FBXW7: variants seen among roughly 807,000 people sequenced by gnomAD.
FBXW7 encodes the protein F-box and WD repeat domain containing 7, also known as F-box/WD repeat-containing protein 7.
In FBXW7, 11 loss-of-function variants were observed where a neutral mutation model predicts 86.3. The observed-to-expected ratio is 0.13, with a 90% CI of 0.08 to 0.21. The LOEUF (loss-of-function observed/expected upper bound fraction) is 0.21, where lower values mean the gene tolerates loss of function less well. Among genes scored for constraint, FBXW7 ranks in the 10% least tolerant of loss-of-function variants. The pLI is 1.00. For synonymous variants in FBXW7, 313 were observed against 297.9 expected, an observed-to-expected ratio of 1.05 and a Z score of -0.52; for missense variants, 488 against 847.4, an observed-to-expected ratio of 0.58 and a Z score of 5.27.
intron 2 of FBXW7, among the ~76,000 whole-genome samples, chr4:152,504,090 A>T (rs945008736): frequency 1.3e-5 from 2 of 152,220 alleles, no homozygotes; most frequent in Non-Finnish European, 2.9e-5. Flanking sequence ...AAAGACAAAA[A>T]TGGCAGTATT....
intron 4 of FBXW7, among the ~76,000 whole-genome samples, chr4:152,388,355 C>A (rs1003342887): frequency 2.0e-5 from 3 of 151,984 alleles, no homozygotes; most frequent in African/African-American, 7.2e-5. Context: ...AAAATGTGAC[C>A]TGATAATTGG....
intron 4 of FBXW7, among the ~76,000 whole-genome samples, chr4:152,393,273 T>C (rs1221646828): frequency 6.6e-6 from 1 of 152,142 alleles, no homozygotes; most frequent in Non-Finnish European, 1.5e-5. Flanking sequence ...GCTGTCATGA[T>C]GAAAAGAAAA....
At chr4:152,532,318 TATA>T (rs1750097569) in intron 2 of FBXW7, among the ~76,000 whole-genome samples, 1 of 152,184 alleles carries the variant, frequency 6.6e-6, no homozygotes. Context: ...ATAGCCACGA[TATA>T]ATAAAAATGT....
chr4:152,465,648 A>T (rs1367346388), intron 2 of FBXW7, among the ~76,000 whole-genome samples: 3 of 152,140 alleles, frequency 2.0e-5, no homozygotes, highest in African/African-American at 7.2e-5. Context: ...GTTAGAGACC[A>T]GCCTGTCCAA....
intron 4 of FBXW7, among the ~76,000 whole-genome samples, chr4:152,396,431 A>T (rs1462083742): frequency 6.6e-6 from 1 of 152,038 alleles, no homozygotes; most frequent in Non-Finnish European, 1.5e-5. Flanking sequence ...TATCTTAGAA[A>T]AATAATGGCA....
chr4:152,501,776 T>G (rs1746976590), intron 2 of FBXW7, among the ~76,000 whole-genome samples: 1 of 152,190 alleles, frequency 6.6e-6, no homozygotes, highest in Non-Finnish European at 1.5e-5. Context: ...CTCTCTTTTT[T>G]TGGTTTTTCA....
chr4:152,328,736 C>T (rs904869619), intron 10 of FBXW7: 3 of 162,812 alleles, frequency 1.8e-5, no homozygotes, highest in African/African-American at 7.2e-5. Context: ...TGGGTTTCTT[C>T]CATGGGAATA....
At chr4:152,409,397 A>G (rs1299294049) in intron 4 of FBXW7, among the ~76,000 whole-genome samples, 2 of 152,192 alleles carry the variant, frequency 1.3e-5, no homozygotes, top group Non-Finnish European at 2.9e-5. Flanking sequence ...AAAGTACTTC[A>G]ACTAGTGAGA....
chr4:152,323,200 A>G (rs34649288), intron 13 of FBXW7, 51 bp from the exon 14 acceptor site: 21,335 of 1,561,196 alleles, frequency 0.014, 200 homozygotes, highest in Admixed American at 0.027. Flanking sequence ...AATGGCTATG[A>G]GTTAGTTACA....
chr4:152,504,932 CAT>C (rs1357659059), intron 2 of FBXW7, among the ~76,000 whole-genome samples: 7 of 152,104 alleles, frequency 4.6e-5, no homozygotes, highest in East Asian at 3.8e-4. Flanking sequence ...TTTAAAATAA[CAT>C]GTGTGGCTCA....
chr4:152,429,993 G>T (rs1441239584), intron 2 of FBXW7, among the ~76,000 whole-genome samples: 2 of 152,132 alleles, frequency 1.3e-5, no homozygotes, highest in Non-Finnish European at 2.9e-5. Context: ...TGTTGTTATT[G>T]AATGAGTACT....
At chr4:152,381,864 A>G (rs1341765954) in intron 4 of FBXW7, among the ~76,000 whole-genome samples, 1 of 152,134 alleles carries the variant, frequency 6.6e-6, no homozygotes, top group Admixed American at 6.6e-5. Flanking sequence ...TTTGCCTTTC[A>G]TGCAAAAACT....
rs574824547 is a variant in FBXW7, at chr4:152,340,667, C to G, written c.727-2731G>C. On this transcript the variant is annotated intron_variant, in intron 6 of 13. Transcript: ENST00000281708. ...GTTTCCACTGACTACACATATTCAA[C>G]TGTCCTATCGTTTAAAATCACATCT... Among the ~76,000 whole-genome samples the G allele has an allele frequency of 5.3e-5, 8 of 150,062 alleles. No homozygotes were observed. The South Asian group carries it at 1.7e-3, about 32-fold the overall frequency.
intron 4 of FBXW7, among the ~76,000 whole-genome samples, chr4:152,404,287 G>T (rs1168401505): frequency 2.0e-5 from 3 of 152,134 alleles, no homozygotes; most frequent in Non-Finnish European, 4.4e-5. Context: ...AATAATAATT[G>T]GTTTCCAGCA....
rs150116380 is a variant in FBXW7 at position 152,472,710 on chromosome 4, T to A, written c.-119-60181A>T. On this transcript the variant is annotated intron_variant, in intron 2 of 13. Coordinates refer to ENST00000281708, the MANE Select transcript of FBXW7 (RefSeq NM_001349798.2). ...TTGATCTGGGTTGTGGTTACAAAAG[T>A]GTGTTCATTTTGTAAAGTTCATCAA... Among the ~76,000 whole-genome samples, 889 of 152,276 alleles carry A rather than the reference T, an allele frequency of 5.8e-3. 7 individuals are homozygous for A. The highest frequency in any genetic ancestry group is 0.02 in the African/African-American group (838 of 41,562).
At chr4:152,423,661 A>G (rs1001166087) in intron 2 of FBXW7, among the ~76,000 whole-genome samples, 2 of 152,234 alleles carry the variant, frequency 1.3e-5, no homozygotes, top group Non-Finnish European at 2.9e-5. Context: ...TGAGAATGAC[A>G]AACTGCAGCT....
At chr4:152,353,971 A>C (rs1316594100) in intron 4 of FBXW7, among the ~76,000 whole-genome samples, 1 of 152,118 alleles carries the variant, frequency 6.6e-6, no homozygotes, top group Non-Finnish European at 1.5e-5. Context: ...AAAACAAAAC[A>C]ACCATTTGGA....
At chr4:152,469,955 G>C (rs1251486641) in intron 2 of FBXW7, among the ~76,000 whole-genome samples, 1 of 151,948 alleles carries the variant, frequency 6.6e-6, no homozygotes, top group Non-Finnish European at 1.5e-5. Context: ...TATTTAGATA[G>C]CCTTTTTAAA....
At chr4:152,428,021 T>C (rs1254615659) in intron 2 of FBXW7, among the ~76,000 whole-genome samples, 2 of 152,128 alleles carry the variant, frequency 1.3e-5, no homozygotes, top group East Asian at 3.9e-4. Context: ...ATGATTTTCT[T>C]GCCACCTAAA....
Sources: allele counts gnomAD v4.1 joint callset (sites outside exome capture counted in the v4.1 genomes callset), GRCh38; gene constraint gnomAD v4.1.1; transcripts MANE v1.5; gene names NCBI Gene and HGNC (gene_info 2026-07-23, HGNC 2026-07-21).